The following CNTLN variants were observed in gnomAD, a reference collection of about 807,000 sequenced individuals.
CNTLN encodes centlein, centrosomal protein.
Under a neutral mutation model 180.0 loss-of-function variants are expected in CNTLN, and 212 were observed. The ratio of observed to expected loss-of-function variants is 1.18; its 90% confidence interval spans 1.05 to 1.32. The LOEUF (loss-of-function observed/expected upper bound fraction) is 1.32, where lower values mean the gene tolerates loss of function less well. Ranked by LOEUF, CNTLN falls within the 40% of genes most tolerant of loss-of-function variation. The pLI is 0.00. For synonymous variants in CNTLN, 722 were observed against 563.1 expected, an observed-to-expected ratio of 1.28 and a Z score of -3.99; for missense variants, 2,095 against 1,610.9, an observed-to-expected ratio of 1.30 and a Z score of -5.14.
chr9:17,220,579 C>A (rs1824062670), intron 2 of CNTLN, among the ~76,000 whole-genome samples: 2 of 152,104 alleles, frequency 1.3e-5, no homozygotes. Context: ...TGATCTTCTA[C>A]CTCCTCCCAC....
At chr9:17,248,022 C>T (rs996893161) in intron 5 of CNTLN, among the ~76,000 whole-genome samples, 1 of 151,910 alleles carries the variant, frequency 6.6e-6, no homozygotes, top group African/African-American at 2.4e-5. Flanking sequence ...AGGGTTTTGC[C>T]ATGTTGCTTT....
At chr9:17,401,745 AC>A (rs954336072) in intron 15 of CNTLN, among the ~76,000 whole-genome samples, 6 of 151,880 alleles carry the variant, frequency 4.0e-5, no homozygotes, top group Admixed American at 3.3e-4. Context: ...CTTGTTTATA[AC>A]TTTGGAGCAT....
At chr9:17,271,665 C>T (rs1211887129) in intron 5 of CNTLN, among the ~76,000 whole-genome samples, 1 of 152,124 alleles carries the variant, frequency 6.6e-6, no homozygotes, top group East Asian at 1.9e-4. Context: ...TCTTTGCTCC[C>T]AGGCCATATC....
intron 8 of CNTLN, among the ~76,000 whole-genome samples, chr9:17,319,300 A>G (rs1819748911): frequency 6.6e-6 from 1 of 152,200 alleles, no homozygotes; most frequent in Admixed American, 6.5e-5. Flanking sequence ...ATCCTAATTC[A>G]GTACGTCTGG....
chr9:17,232,276 A>T (rs577996647), intron 3 of CNTLN, among the ~76,000 whole-genome samples: 1 of 152,144 alleles, frequency 6.6e-6, no homozygotes, highest in East Asian at 1.9e-4. Context: ...TAACTATATT[A>T]TGCAATTTAA....
chr9:17,138,956 T>C (rs887805349), intron 1 of CNTLN, among the ~76,000 whole-genome samples: 10 of 152,218 alleles, frequency 6.6e-5, no homozygotes, highest in Admixed American at 6.5e-5. Context: ...ATTTAGTATT[T>C]AGTCAACTGT....
chr9:17,261,997 G>A (rs1250423454), intron 5 of CNTLN, among the ~76,000 whole-genome samples: 1 of 151,578 alleles, frequency 6.6e-6, no homozygotes. Context: ...GTAGTCATTA[G>A]AGAAATGCAT....
At chr9:17,380,175 T>C (rs1340025933) in intron 13 of CNTLN, among the ~76,000 whole-genome samples, 2 of 152,154 alleles carry the variant, frequency 1.3e-5, no homozygotes, top group East Asian at 3.9e-4. Flanking sequence ...GAAATGAGGG[T>C]TGTCTCATTG....
At chr9:17,380,982 C>G (rs1825201436) in intron 13 of CNTLN, among the ~76,000 whole-genome samples, 2 of 152,156 alleles carry the variant, frequency 1.3e-5, no homozygotes, top group South Asian at 4.1e-4. Context: ...GGAACTGGCA[C>G]ACTGTCACCT....
intron 6 of CNTLN, among the ~76,000 whole-genome samples, chr9:17,292,744 C>G (rs959440312): frequency 6.6e-6 from 1 of 152,126 alleles, no homozygotes; most frequent in African/African-American, 2.4e-5. Flanking sequence ...TGGGTTAGAA[C>G]ATGTTCCTTT....
intron 15 of CNTLN, among the ~76,000 whole-genome samples, chr9:17,398,758 A>G (rs1168517130): frequency 6.6e-6 from 1 of 152,214 alleles, no homozygotes; most frequent in Non-Finnish European, 1.5e-5. Context: ...ATAAGAATTT[A>G]TTGAGGAGAT....
intron 2 of CNTLN, among the ~76,000 whole-genome samples, chr9:17,161,096 T>C (rs1282193802): frequency 6.6e-6 from 1 of 152,116 alleles, no homozygotes; most frequent in African/African-American, 2.4e-5. Context: ...GTTAAAAAAG[T>C]TCTCACTCTC....
At chr9:17,218,168 T>G (rs10962910) in intron 2 of CNTLN, among the ~76,000 whole-genome samples, 7,409 of 152,252 alleles carry the variant, frequency 0.049, 234 homozygotes, top group South Asian at 0.15. Flanking sequence ...ATGTATTTTA[T>G]ACTGGAAATT....
chr9:17,222,640 A>T (rs1225205776), intron 2 of CNTLN, among the ~76,000 whole-genome samples: 2 of 151,394 alleles, frequency 1.3e-5, no homozygotes, highest in African/African-American at 4.9e-5. Context: ...GTCCAAGTAA[A>T]CCTCTTTTTC....
At chr9:17,300,631 T>G (rs1427288090) in intron 7 of CNTLN, 6 of 152,204 alleles carry the variant, frequency 3.9e-5, no homozygotes, top group Non-Finnish European at 2.9e-5. Flanking sequence ...CAGGATATTA[T>G]TGCCAAAACT....
At chr9:17,148,029 G>C (rs921146857) in intron 2 of CNTLN, among the ~76,000 whole-genome samples, 12 of 150,996 alleles carry the variant, frequency 7.9e-5, no homozygotes, top group African/African-American at 2.9e-4. Flanking sequence ...TAGATGTGTT[G>C]TGTGTATATG....
chr9:17,312,002 T>C (rs1336309941), intron 8 of CNTLN, among the ~76,000 whole-genome samples: 3 of 65,284 alleles, frequency 4.6e-5, no homozygotes, highest in Non-Finnish European at 8.1e-5. Context: ...AAATAGTCAA[T>C]AGAACAAAGT....
rs374408095 is a variant in CNTLN, at chr9:17,298,892, A to T, written c.1146+540A>T. On this transcript the variant is annotated intron_variant, in intron 7 of 25. Coordinates refer to ENST00000380647, the MANE Select transcript of CNTLN (RefSeq NM_017738.4). Reference sequence around the variant, plus strand: ...AGGAGCCTTTCAAGAAGGTTTACCCAAGTATTTAGGTGTGCTAACTGACTC... The same window carrying T: ...AGGAGCCTTTCAAGAAGGTTTACCCTAGTATTTAGGTGTGCTAACTGACTC... 2.9e-5 allele frequency: 29 copies of T among 985,358 alleles called. No homozygotes were observed. The African/African-American group carries it at 4.0e-4, about 14-fold the overall frequency. 61.0% of individuals were successfully genotyped at this position (985,358 alleles called of 1,614,324 possible). A position where few individuals can be genotyped will look rare whatever the true frequency, so the allele number is the denominator to read the frequency against.
intron 23 of CNTLN, among the ~76,000 whole-genome samples, chr9:17,478,714 A>G (rs544228702): frequency 6.6e-6 from 1 of 152,248 alleles, no homozygotes; most frequent in East Asian, 1.9e-4. Context: ...GCCTTTGGAT[A>G]TCCAGTTATC....
Sources: gnomAD v4.1 joint callset for allele counts (sites outside exome capture counted in the v4.1 genomes callset) on GRCh38, gnomAD v4.1.1 for gene constraint, MANE v1.5 for transcripts, NCBI Gene and HGNC (gene_info 2026-07-23, HGNC 2026-07-21) for gene names.